Variants in PRKG1 observed in about 807,000 individuals in gnomAD.
The protein encoded by PRKG1 is protein kinase cGMP-dependent 1.
Under a neutral mutation model 88.1 loss-of-function variants are expected in PRKG1, and 35 were observed. That is an observed-to-expected ratio of 0.40 (90% CI 0.30 to 0.53). PRKG1 has a LOEUF of 0.53. Ranked by LOEUF, PRKG1 falls within the 20% of genes least tolerant of loss-of-function variation. The pLI, the probability that PRKG1 is intolerant of heterozygous loss-of-function variation, is 0.59. For missense variants in PRKG1, 540 were observed against 839.8 expected, an observed-to-expected ratio of 0.64 and a Z score of 4.41; for synonymous variants, 303 against 292.5, an observed-to-expected ratio of 1.04 and a Z score of -0.37.
intron 7 of PRKG1, among the ~76,000 whole-genome samples, chr10:52,074,519 GAA>G (rs1846583779): frequency 2.0e-5 from 3 of 152,056 alleles, no homozygotes; most frequent in Non-Finnish European, 4.4e-5. Flanking sequence ...CACAAGATAA[GAA>G]AAAATAATGT....
At chr10:52,283,118 G>C (rs1368849771) in intron 14 of PRKG1, among the ~76,000 whole-genome samples, 1 of 152,056 alleles carries the variant, frequency 6.6e-6, no homozygotes, top group Non-Finnish European at 1.5e-5. Flanking sequence ...TGCTGCACTT[G>C]AGTGTTTGGA....
chr10:51,043,688 T>C (rs1248182398), intron 1 of PRKG1, among the ~76,000 whole-genome samples: 1 of 152,196 alleles, frequency 6.6e-6, no homozygotes, highest in East Asian at 1.9e-4. Flanking sequence ...CAAGAACAGG[T>C]CAATATCTGT....
At chr10:52,179,557 C>T (rs564124314) in intron 9 of PRKG1, among the ~76,000 whole-genome samples, 2 of 152,152 alleles carry the variant, frequency 1.3e-5, no homozygotes, top group South Asian at 2.1e-4. Flanking sequence ...TTGGCTATAA[C>T]GTGCCTCAGA....
rs1464638701 is a variant in PRKG1, at chr10:52,296,403, A to C, written c.*2503A>C. ...TTGATGTCTGAAGTAATTACCACAA[A>C]ATAAAGGTAAACTACATCTTCCAAG... is the stretch of plus-strand genomic sequence containing the variant. On this transcript the variant is annotated 3_prime_UTR_variant, in exon 18 of 18. Coordinates refer to ENST00000373980, the MANE Select transcript of PRKG1 (RefSeq NM_006258.4). 6.6e-6 allele frequency: 1 copy of C among 152,016 alleles called. No individual in the cohort carries two copies. Among genetic ancestry groups the C allele is most frequent in the African/African-American group, 2.4e-5 (1 of 41,416 alleles). The allele number at this position is 152,016 out of a possible 1,614,324, so 9.4% of individuals were successfully genotyped here.
At chr10:51,194,408 GC>G (rs1564633815) in intron 2 of PRKG1, among the ~76,000 whole-genome samples, 4 of 151,760 alleles carry the variant, frequency 2.6e-5, no homozygotes, top group African/African-American at 9.7e-5. Context: ...CCCCTGACAG[GC>G]CCCAGTGTGT....
At chr10:51,237,229 T>C (rs1346459779) in intron 2 of PRKG1, among the ~76,000 whole-genome samples, 3 of 152,242 alleles carry the variant, frequency 2.0e-5, no homozygotes, top group Non-Finnish European at 2.9e-5. Context: ...TTGTTCTGAT[T>C]TCATTTTTAC....
chr10:51,582,665 T>G (rs1838070691), intron 3 of PRKG1, among the ~76,000 whole-genome samples: 1 of 149,142 alleles, frequency 6.7e-6, no homozygotes, highest in Non-Finnish European at 1.5e-5. Flanking sequence ...TAATACTCCA[T>G]GATGTATATG....
chr10:51,267,602 A>G (rs1839868993), intron 2 of PRKG1, among the ~76,000 whole-genome samples: 1 of 152,216 alleles, frequency 6.6e-6, no homozygotes, highest in Admixed American at 6.5e-5. Context: ...GATAACAGCA[A>G]GCCACATGTA....
intron 7 of PRKG1, among the ~76,000 whole-genome samples, chr10:52,080,780 T>C (rs1342961732): frequency 6.6e-6 from 1 of 152,212 alleles, no homozygotes; most frequent in Non-Finnish European, 1.5e-5. Flanking sequence ...ATTTAAAGTC[T>C]CTAGCATTTT....
intron 3 of PRKG1, among the ~76,000 whole-genome samples, chr10:51,567,698 T>A (rs954429430): frequency 1.3e-5 from 2 of 152,080 alleles, no homozygotes; most frequent in Admixed American, 6.6e-5. Flanking sequence ...ACAATTATTG[T>A]GCCTCAGTCT....
chr10:50,991,451 C>A lies in PRKG1; in HGVS notation c.73C>A (p.Arg25=), dbSNP rs1002824327. Reference sequence around the variant, plus strand: ...GGAGAGGATCAAAGAGCTGGAGAAGCGGCTGTCAGAGAAGGAGGAAGAAAT... The same window carrying A: ...GGAGAGGATCAAAGAGCTGGAGAAGAGGCTGTCAGAGAAGGAGGAAGAAAT... The change falls in exon 1 of 18, where the codon CGG becomes AGG. Residue 25 remains arginine, a synonymous_variant. Coordinates refer to the PRKG1 transcript ENST00000401604. The surrounding 1 kb of genome is among the most constrained non-coding windows in gnomAD (Gnocchi z 4.5). 21 of 1,602,814 alleles carry A rather than the reference C, an allele frequency of 1.3e-5. No individual in the cohort carries two copies. The highest frequency in any genetic ancestry group is 1.8e-5 in the Non-Finnish European group (21 of 1,175,154).
intron 2 of PRKG1, among the ~76,000 whole-genome samples, chr10:51,227,638 T>A (rs1016281744): frequency 3.3e-5 from 5 of 152,190 alleles, no homozygotes; most frequent in African/African-American, 1.2e-4. Flanking sequence ...TCTCATAAAA[T>A]GTTGAATTGC....
At chr10:51,635,458 A>G (rs1476608646) in intron 3 of PRKG1, among the ~76,000 whole-genome samples, 1 of 152,084 alleles carries the variant, frequency 6.6e-6, no homozygotes, top group Non-Finnish European at 1.5e-5. Context: ...TCTTAAAGAG[A>G]AAGTACAGGA....
At chr10:52,269,904 G>GAGCC (rs1841672771) in intron 10 of PRKG1, among the ~76,000 whole-genome samples, 1 of 152,048 alleles carries the variant, frequency 6.6e-6, no homozygotes, top group African/African-American at 2.4e-5. Flanking sequence ...GAGCCACTGG[G>GAGCC]AGCCATGAGG....
chr10:51,628,124 C>CT (rs1175291740), intron 3 of PRKG1, among the ~76,000 whole-genome samples: 2 of 3,810 alleles, frequency 5.2e-4, no homozygotes, highest in African/African-American at 6.7e-4. Flanking sequence ...CTTTATTTCT[C>CT]TTTCTTTCTT....
rs186110066 is a variant in PRKG1 at position 51,840,699 on chromosome 10, G to A, written c.698+36009G>A. 7.0e-4 allele frequency among the ~76,000 whole-genome samples: 107 copies of A among 152,036 alleles called. 3 individuals are homozygous for A. The highest frequency in any genetic ancestry group is 2.5e-3 in the African/African-American group (105 of 41,496). ...GTAGTTGGGATTACAGGTGTGCACC[G>A]CCATGCCTGGCTAATTTTTTATTCT... On this transcript the variant is annotated intron_variant, in intron 4 of 17. Coordinates refer to ENST00000373980, the MANE Select transcript of PRKG1 (RefSeq NM_006258.4).
At chr10:51,984,843 A>G (rs1844111137) in intron 5 of PRKG1, among the ~76,000 whole-genome samples, 1 of 152,202 alleles carries the variant, frequency 6.6e-6, no homozygotes, top group Non-Finnish European at 1.5e-5. Flanking sequence ...ACAGAAAAAG[A>G]AAATCCTATC....
intron 3 of PRKG1, among the ~76,000 whole-genome samples, chr10:51,684,263 A>G (rs1215910882): frequency 6.6e-6 from 1 of 152,180 alleles, no homozygotes; most frequent in African/African-American, 2.4e-5. Context: ...TGTATGATTC[A>G]CTTTTTAGGA....
At chr10:51,825,200 A>G (rs963289538) in intron 4 of PRKG1, among the ~76,000 whole-genome samples, 8 of 152,154 alleles carry the variant, frequency 5.3e-5, no homozygotes, top group African/African-American at 1.9e-4. Context: ...TGGAGTATAC[A>G]TGTACATTTT....
Sources: gnomAD v4.1 joint callset for allele counts (sites outside exome capture counted in the v4.1 genomes callset) on GRCh38, gnomAD v4.1.1 for gene constraint, Gnocchi (gnomAD v3.1) non-coding constraint, MANE v1.5 for transcripts, NCBI Gene and HGNC (gene_info 2026-07-23, HGNC 2026-07-21) for gene names.